The following PRSS12 variants were observed in gnomAD, a reference collection of about 807,000 sequenced individuals.
PRSS12 encodes serine protease 12.
In PRSS12, 85 loss-of-function variants were observed where a neutral mutation model predicts 104.4. That is an observed-to-expected ratio of 0.81 (90% CI 0.68 to 0.98). The LOEUF (loss-of-function observed/expected upper bound fraction) is 0.98, where lower values mean the gene tolerates loss of function less well. Ranked by LOEUF, PRSS12 falls within the 50% of genes least tolerant of loss-of-function variation. PRSS12 has a pLI of 0.00. For missense variants in PRSS12, 1,141 were observed against 1,139.2 expected (o/e 1.00, Z -0.02); for synonymous variants, 454 against 425.2 (o/e 1.07, Z -0.83).
At chr4:118,321,857 G>T (rs574559322) in intron 4 of PRSS12, among the ~76,000 whole-genome samples, 1 of 152,184 alleles carries the variant, frequency 6.6e-6, no homozygotes, top group South Asian at 2.1e-4. Context: ...AAATTTCAAA[G>T]AAATATTTAT....
Position 118,313,411 on chromosome 4 carries a change from A to G in PRSS12, c.1293-14T>C. 1 of 1,612,820 alleles carries G rather than the reference A, an allele frequency of 6.2e-7. No individual in the cohort carries two copies. Among genetic ancestry groups the G allele is most frequent in the Non-Finnish European group, 8.5e-7 (1 of 1,178,928 alleles). On this transcript the variant is annotated splice_polypyrimidine_tract_variant and intron_variant, in intron 6 of 12. Coordinates refer to ENST00000296498, the MANE Select transcript of PRSS12 (RefSeq NM_003619.4). Reference sequence around the variant, plus strand: ...TGTTTACCATATCTGTGACAATTGAATAAACACTGTGTATAGAACTTCTGT... The same window carrying G: ...TGTTTACCATATCTGTGACAATTGAGTAAACACTGTGTATAGAACTTCTGT...
intron 11 of PRSS12, among the ~76,000 whole-genome samples, chr4:118,291,657 T>A (rs1306465552): frequency 6.6e-6 from 1 of 152,014 alleles, no homozygotes; most frequent in African/African-American, 2.4e-5. Context: ...TGAGCACAGT[T>A]CTCTGTTTGA....
chr4:118,328,690 C>G (rs1459129899), intron 4 of PRSS12, among the ~76,000 whole-genome samples: 2 of 152,192 alleles, frequency 1.3e-5, no homozygotes, highest in African/African-American at 2.4e-5. Context: ...GTGATGTGAT[C>G]ATGGCTCATA....
chr4:118,328,961 T>C (rs1723851467), intron 4 of PRSS12, among the ~76,000 whole-genome samples: 1 of 152,076 alleles, frequency 6.6e-6, no homozygotes, highest in Admixed American at 6.5e-5. Context: ...ACCCAGCTAA[T>C]TTTTGTATTT....
intron 7 of PRSS12, among the ~76,000 whole-genome samples, chr4:118,312,524 A>T (rs1743771343): frequency 6.6e-6 from 1 of 152,190 alleles, no homozygotes; most frequent in Admixed American, 6.6e-5. Flanking sequence ...AGAATGTTTA[A>T]CTGCTATCTA....
At chr4:118,285,065 T>C (rs959664569) in intron 11 of PRSS12, among the ~76,000 whole-genome samples, 1 of 152,210 alleles carries the variant, frequency 6.6e-6, no homozygotes, top group African/African-American at 2.4e-5. Flanking sequence ...CCATCTCGTA[T>C]ATATGATTAA....
chr4:118,291,323 T>C (rs1743121962), intron 11 of PRSS12, among the ~76,000 whole-genome samples: 1 of 152,208 alleles, frequency 6.6e-6, no homozygotes, highest in African/African-American at 2.4e-5. Context: ...CACAGTACTC[T>C]AAACACTACA....
intron 11 of PRSS12, among the ~76,000 whole-genome samples, chr4:118,287,983 T>C (rs1743048517): frequency 1.3e-5 from 2 of 152,130 alleles, no homozygotes; most frequent in South Asian, 4.1e-4. Context: ...TAAAATCCAA[T>C]GTCCAAGTTT....
chr4:118,292,580 T>C (rs1743153345), intron 11 of PRSS12, among the ~76,000 whole-genome samples: 1 of 152,218 alleles, frequency 6.6e-6, no homozygotes, highest in Admixed American at 6.5e-5. Context: ...ATATCTCTAG[T>C]ACATAGCAGG....
At position 118,306,318 on chromosome 4, in the gene PRSS12, T is replaced by C. The variant is rs551271598; in HGVS notation, c.1631+2118A>G. On this transcript the variant is annotated intron_variant, in intron 8 of 12. Coordinates refer to ENST00000296498, the MANE Select transcript of PRSS12 (RefSeq NM_003619.4). ...GTTAAATGTTAAATGGACTAAATGATTGTGTTAGGCCATTCTTCCATTGCC... is the reference window on the plus strand; with the variant it reads ...GTTAAATGTTAAATGGACTAAATGACTGTGTTAGGCCATTCTTCCATTGCC... Among the ~76,000 whole-genome samples, 17 of 152,292 alleles carry C rather than the reference T, an allele frequency of 1.1e-4. No individual in the cohort carries two copies. In the East Asian group the frequency reaches 1.9e-3, roughly 17 times the overall value.
In PRSS12 at chr4:118,335,513, A is replaced by G; in HGVS notation, c.780T>C (p.Pro260=). ...ACGTGACAGCAGCTGCCATCTTCTGAGGACACACCCCACCCTGCCAGATGT... is the reference window on the plus strand; with the variant it reads ...ACGTGACAGCAGCTGCCATCTTCTGGGGACACACCCCACCCTGCCAGATGT... ...EKDIWQGGVC[P]QKMAAAVTCS... The change falls in exon 3 of 13, where the codon CCT becomes CCC. Residue 260 remains proline, a synonymous_variant. Coordinates refer to ENST00000296498, the MANE Select transcript of PRSS12 (RefSeq NM_003619.4). 6.2e-7 allele frequency: 1 copy of G among 1,614,058 alleles called. No individual in the cohort carries two copies. Among genetic ancestry groups the G allele is most frequent in the Non-Finnish European group, 8.5e-7 (1 of 1,179,968 alleles).
intron 9 of PRSS12, among the ~76,000 whole-genome samples, chr4:118,296,359 G>A (rs997091173): frequency 4.6e-5 from 7 of 152,184 alleles, no homozygotes; most frequent in South Asian, 2.1e-4. Context: ...GTCAACATAC[G>A]GAAAGGGTTT....
intron 11 of PRSS12, among the ~76,000 whole-genome samples, chr4:118,292,022 C>A (rs1429862996): frequency 6.6e-6 from 1 of 151,938 alleles, no homozygotes; most frequent in Non-Finnish European, 1.5e-5. Flanking sequence ...CACGCGTATA[C>A]CTATGTAACA....
chr4:118,325,120 A>T (rs1723736947), intron 4 of PRSS12, among the ~76,000 whole-genome samples: 1 of 152,076 alleles, frequency 6.6e-6, no homozygotes, highest in South Asian at 2.1e-4. Context: ...CCACAATCCT[A>T]AGTGAATTAA....
chr4:118,302,477 A>G (rs1743424973), intron 8 of PRSS12, among the ~76,000 whole-genome samples: 1 of 152,230 alleles, frequency 6.6e-6, no homozygotes, highest in Non-Finnish European at 1.5e-5. Context: ...CCCAGGCTGG[A>G]GTGCAATGGC....
chr4:118,324,498 T>C (rs1389503411), intron 4 of PRSS12, among the ~76,000 whole-genome samples: 2 of 152,126 alleles, frequency 1.3e-5, no homozygotes, highest in Admixed American at 6.5e-5. Context: ...AGCTGAAGTA[T>C]ATTGTGTTTC....
At chr4:118,288,002 C>T (rs1420745019) in intron 11 of PRSS12, among the ~76,000 whole-genome samples, 2 of 152,114 alleles carry the variant, frequency 1.3e-5, no homozygotes, top group East Asian at 3.9e-4. Flanking sequence ...TTCTCTGAGA[C>T]TCTGAGGCTA....
chr4:118,281,980 CTT>C lies in PRSS12; in HGVS notation c.2582_2583del (p.Lys861SerfsTer84). 1 of 1,522,912 alleles carries C rather than the reference CTT, an allele frequency of 6.6e-7. No homozygotes were observed. Among genetic ancestry groups the C allele is most frequent in the African/African-American group, 1.4e-5 (1 of 73,172 alleles). 94.3% of individuals were successfully genotyped at this position (1,522,912 alleles called of 1,614,324 possible). Reference sequence around the variant, plus strand: ...TTTATCCAAGGTACAAAGGCTGAGACTTTGGTATAAACACCAGGAGAATCCTT... The same window carrying C: ...TTTATCCAAGGTACAAAGGCTGAGACTGGTATAAACACCAGGAGAATCCTT... ...GVKDSPGVYT[K>X]VSAFVPWIKS... On this transcript the variant is annotated frameshift_variant, in exon 13 of 13. Coordinates refer to ENST00000296498, the MANE Select transcript of PRSS12 (RefSeq NM_003619.4). LOFTEE classifies it high-confidence loss of function.
intron 8 of PRSS12, among the ~76,000 whole-genome samples, chr4:118,299,655 G>A (rs937065238): frequency 6.7e-6 from 1 of 148,256 alleles, no homozygotes; most frequent in Non-Finnish European, 1.5e-5. Flanking sequence ...ACTCCAGCTT[G>A]GGCAACAAGA....
Sources: gnomAD v4.1 joint callset for allele counts (sites outside exome capture counted in the v4.1 genomes callset) on GRCh38, gnomAD v4.1.1 for gene constraint, MANE v1.5 for transcripts, NCBI Gene and HGNC (gene_info 2026-07-23, HGNC 2026-07-21) for gene names.